The following RASA3 variants were observed in gnomAD, a reference collection of about 807,000 sequenced individuals.
The protein encoded by RASA3 is ras GTPase-activating protein 3.
In RASA3, 73 loss-of-function variants were observed where a neutral mutation model predicts 110.0. The observed-to-expected ratio is 0.66, with a 90% CI of 0.55 to 0.81. The LOEUF (loss-of-function observed/expected upper bound fraction) is 0.81. RASA3 is among the 30% of genes least tolerant of loss of function. The pLI is 0.00. For missense variants in RASA3, 976 were observed against 1,113.2 expected (o/e 0.88, Z 1.75); for synonymous variants, 500 against 451.4 (o/e 1.11, Z -1.37).
chr13:114,090,325 GAGT>G (rs1327640972), intron 1 of RASA3, among the ~76,000 whole-genome samples: 1 of 152,200 alleles, frequency 6.6e-6, no homozygotes, highest in Non-Finnish European at 1.5e-5. Flanking sequence ...TATTTGCTTT[GAGT>G]CAGAGAAATA....
At chr13:114,100,038 G>T (rs575899801) in intron 1 of RASA3, among the ~76,000 whole-genome samples, 2 of 147,298 alleles carry the variant, frequency 1.4e-5, no homozygotes, top group South Asian at 4.4e-4. Flanking sequence ...AATCAAGCAA[G>T]AAAAACTGCA....
At chr13:113,980,961 C>G (rs1346802543) in intron 23 of RASA3, among the ~76,000 whole-genome samples, 1 of 152,162 alleles carries the variant, frequency 6.6e-6, no homozygotes, top group Non-Finnish European at 1.5e-5. Context: ...GGCTGTACAG[C>G]TACACAGGGC....
At position 114,027,838 on chromosome 13, in the gene RASA3, G is replaced by T; in HGVS notation, c.530+9C>A. On this transcript the variant is annotated intron_variant, in intron 6 of 23. Transcript: ENST00000334062. ...CCAGAACAGAAACCTGAAGCGTGAG[G>T]CAACTTGCCTGAAGGGTCCTGCCAG... The T allele has an allele frequency of 6.2e-7, 1 of 1,613,216 alleles. No homozygotes were observed. The highest frequency in any genetic ancestry group is 8.5e-7 in the Non-Finnish European group (1 of 1,179,400).
chr13:114,021,059 G>A (rs915993781), intron 9 of RASA3, among the ~76,000 whole-genome samples: 1 of 151,816 alleles, frequency 6.6e-6, no homozygotes, highest in Non-Finnish European at 1.5e-5. Context: ...CGAGCTGCTC[G>A]CGGCTCAGGG....
chr13:114,013,859 T>TTTCC (rs1250258828), intron 14 of RASA3, among the ~76,000 whole-genome samples: 1 of 23,882 alleles, frequency 4.2e-5, no homozygotes, highest in African/African-American at 9.5e-5. Context: ...TCTCTGTCTC[T>TTTCC]CTCCCTGTCT....
At chr13:114,016,985 T>G (rs577110950) in intron 12 of RASA3, among the ~76,000 whole-genome samples, 1 of 152,226 alleles carries the variant, frequency 6.6e-6, no homozygotes, top group Non-Finnish European at 1.5e-5. Flanking sequence ...AGGCTTTTCT[T>G]GCATGTTCTC....
intron 2 of RASA3, among the ~76,000 whole-genome samples, chr13:114,060,531 G>T (rs528190986): frequency 1.3e-5 from 2 of 152,346 alleles, no homozygotes; most frequent in East Asian, 3.9e-4. Context: ...TCCTCATGGG[G>T]ACGACAGGAA....
chr13:114,128,051 G>T (rs747867820), intron 1 of RASA3, among the ~76,000 whole-genome samples: 1 of 152,204 alleles, frequency 6.6e-6, no homozygotes, highest in Non-Finnish European at 1.5e-5. Context: ...CCCAGGTGCA[G>T]CCAGGCCCTG....
At chr13:114,049,921 C>T (rs576586969) in intron 3 of RASA3, among the ~76,000 whole-genome samples, 8 of 152,328 alleles carry the variant, frequency 5.3e-5, no homozygotes, top group African/African-American at 1.9e-4. Flanking sequence ...GGCAGCCCAC[C>T]CATGCCGCGG....
chr13:114,000,276 G>A (rs956873122), intron 19 of RASA3, among the ~76,000 whole-genome samples: 2 of 151,928 alleles, frequency 1.3e-5, no homozygotes, highest in African/African-American at 2.4e-5. Flanking sequence ...CTGCAGGTGC[G>A]GGGGCTGAGG....
Position 114,056,228 on chromosome 13 carries a change from C to A in RASA3, c.174-4073G>T. Among the ~76,000 whole-genome samples, 1 of 152,222 alleles carries A rather than the reference C, an allele frequency of 6.6e-6. No homozygotes were observed. The highest frequency in any genetic ancestry group is 2.1e-4 in the South Asian group (1 of 4,820). Reference sequence around the variant, plus strand: ...ATGAATGTCCAGTGCGTGTCCAATGCGTGTCTGGTGAGTGGTGAGTGTCTG... The same window carrying A: ...ATGAATGTCCAGTGCGTGTCCAATGAGTGTCTGGTGAGTGGTGAGTGTCTG... On this transcript the variant is annotated intron_variant, in intron 2 of 23. Coordinates refer to ENST00000334062, the MANE Select transcript of RASA3 (RefSeq NM_007368.4). This position sits in a 1 kb window ranked among gnomAD's most constrained non-coding sequence, Gnocchi z 5.7.
chr13:114,043,646 G>A (rs765069296), intron 3 of RASA3, among the ~76,000 whole-genome samples: 4 of 152,090 alleles, frequency 2.6e-5, no homozygotes, highest in South Asian at 4.1e-4. Context: ...GCAGGCGAGA[G>A]CCAAATCAAG....
chr13:113,984,168 CCCATCACTCACCCCTCAGTCCAT>C (rs1453019419), intron 22 of RASA3, among the ~76,000 whole-genome samples: 1 of 73,972 alleles, frequency 1.4e-5, no homozygotes, highest in African/African-American at 4.2e-5. Context: ...GGTCCATCCA[CCCATCACTCACCCCTCAGTCCAT>C]CCATCACTCA....
chr13:114,119,554 C>T (rs1251172780), intron 1 of RASA3, among the ~76,000 whole-genome samples: 160 of 129,030 alleles, frequency 1.2e-3, no homozygotes, highest in Non-Finnish European at 2.3e-3. Context: ...CGATCAGGGC[C>T]CCTCCCTCTC....
In RASA3 at chr13:114,018,238, A is replaced by G; in HGVS notation, c.957T>C (p.Ser319=). 6.4e-7 allele frequency: 1 copy of G among 1,552,948 alleles called. No individual in the cohort carries two copies. Among genetic ancestry groups the G allele is most frequent in the Non-Finnish European group, 8.7e-7 (1 of 1,148,702 alleles). ...AAACCTCGCCCAGGATGTGGGCCGCAGACGCTGACACGGGCTGCGGGGAGG... is the reference window on the plus strand; with the variant it reads ...AAACCTCGCCCAGGATGTGGGCCGCGGACGCTGACACGGGCTGCGGGGAGG... The part of the protein sequence containing the change: ...KSADVEPVSA[S]AAHILGEVCR... Residue 319 remains serine, a synonymous_variant, in exon 11 of 24, where the codon TCT becomes TCC. Transcript: ENST00000334062.
intron 13 of RASA3, among the ~76,000 whole-genome samples, chr13:114,015,968 A>AC (rs2053781780): frequency 6.6e-6 from 1 of 151,796 alleles, no homozygotes; most frequent in Admixed American, 6.6e-5. Context: ...GCTGGCCGGG[A>AC]CCCCCCAGGG....
At position 114,057,854 on chromosome 13, in the gene RASA3, G is replaced by A. The variant is rs2079270534; in HGVS notation, c.174-5699C>T. 1.3e-5 allele frequency among the ~76,000 whole-genome samples: 2 copies of A among 152,190 alleles called. No homozygotes were observed. Among genetic ancestry groups the A allele is most frequent in the African/African-American group, 4.8e-5 (2 of 41,432 alleles). On this transcript the variant is annotated intron_variant, in intron 2 of 23. Coordinates refer to ENST00000334062, the MANE Select transcript of RASA3 (RefSeq NM_007368.4). The surrounding 1 kb of genome is among the most constrained non-coding windows in gnomAD (Gnocchi z 5.0). Reference sequence around the variant, plus strand: ...GACCCAGAACAATGGCTTCCCTGGGGTGCGGGCTCGGCCTGCAGGATGGAG... The same window carrying A: ...GACCCAGAACAATGGCTTCCCTGGGATGCGGGCTCGGCCTGCAGGATGGAG...
intron 1 of RASA3, among the ~76,000 whole-genome samples, chr13:114,074,145 A>G (rs56352545): frequency 0.21 from 31,469 of 152,100 alleles, 3,348 homozygotes; most frequent in East Asian, 0.31. Context: ...ACAATTTTCC[A>G]TCTCTGACCT....
At chr13:114,022,139 C>G (rs2053940157) in intron 8 of RASA3, among the ~76,000 whole-genome samples, 2 of 152,202 alleles carry the variant, frequency 1.3e-5, no homozygotes, top group African/African-American at 4.8e-5. Flanking sequence ...GGGGGGAGAA[C>G]TGTGGCCACA....
Sources: gnomAD v4.1 joint callset for allele counts (sites outside exome capture counted in the v4.1 genomes callset) on GRCh38, gnomAD v4.1.1 for gene constraint, Gnocchi (gnomAD v3.1) non-coding constraint, MANE v1.5 for transcripts, NCBI Gene and HGNC (gene_info 2026-07-23, HGNC 2026-07-21) for gene names.